The following TBX2 variants were observed in gnomAD, a reference collection of about 807,000 sequenced individuals.
The protein encoded by TBX2 is T-box transcription factor 2.
A neutral mutation model predicts 48.4 loss-of-function variants in TBX2; 19 were observed. That is an observed-to-expected ratio of 0.39 (90% CI 0.27 to 0.58). The LOEUF (loss-of-function observed/expected upper bound fraction) is 0.58. Ranked by LOEUF, TBX2 falls within the 20% of genes least tolerant of loss-of-function variation. The probability of loss-of-function intolerance (pLI) is 0.54; values close to 1 mark genes in which losing one functional copy is unlikely to be tolerated. For missense variants in TBX2, 994 were observed against 1,006.5 expected (o/e 0.99, Z 0.17); for synonymous variants, 522 against 459.7 (o/e 1.14, Z -1.73).
rs2060288319 is a variant in TBX2, at chr17:61,406,194, C to G, written c.1686+358C>G. ...GGCCACCCCTGGCTTGTGAAGTCTT[C>G]TCTCCTGGCCTCAGGACATTTTTCT... On this transcript the variant is annotated intron_variant, in intron 6 of 6. Coordinates refer to ENST00000240328, the MANE Select transcript of TBX2 (RefSeq NM_005994.4). This position sits in a 1 kb window ranked among gnomAD's most constrained non-coding sequence, Gnocchi z 5.7. The G allele has an allele frequency of 4.3e-6, 1 of 234,112 alleles. No individual in the cohort carries two copies. Among genetic ancestry groups the G allele is most frequent in the Non-Finnish European group, 8.3e-6 (1 of 121,046 alleles). 14.5% of individuals were successfully genotyped at this position (234,112 alleles called of 1,614,324 possible). A position where few individuals can be genotyped will look rare whatever the true frequency, so the allele number is the denominator to read the frequency against.
rs1408871032 is a variant in TBX2, at chr17:61,404,761, G to C, written c.1043G>C (p.Arg348Pro). The change falls in exon 5 of 7, where the codon CGG becomes CCG. Residue 348 changes from arginine (R) to proline (P), a missense_variant. Arg to Pro is a moderately radical substitution (Grantham distance 103). This residue lies in a region of TBX2 where 639 missense variants were observed against 613.2 expected (regional missense o/e 1.04). Transcript: ENST00000240328. Reference protein sequence around the residue: ...GAAPSPLRLHRARAEEKSCAA... With the variant: ...GAAPSPLRLHPARAEEKSCAA... Reference sequence around the variant, plus strand: ...GCGCCCAGTCCGCTGCGCCTGCACCGGGCCCGAGGTGAGGGTCGGACCGGA... The same window carrying C: ...GCGCCCAGTCCGCTGCGCCTGCACCCGGCCCGAGGTGAGGGTCGGACCGGA... 10 of 1,546,774 alleles carry C rather than the reference G, an allele frequency of 6.5e-6. No homozygotes were observed. Among genetic ancestry groups the C allele is most frequent in the Non-Finnish European group, 8.7e-6 (10 of 1,149,208 alleles).
At position 61,402,913 on chromosome 17, in the gene TBX2, G is replaced by A. The variant is rs1341790406; in HGVS notation, c.664-148G>A. On this transcript the variant is annotated intron_variant, in intron 2 of 6. Coordinates refer to ENST00000240328, the MANE Select transcript of TBX2 (RefSeq NM_005994.4). ...AAAGAGCAGAGACAGGAGAAAATGG[G>A]GAAGAGGAAGAACCGATAGAGAGAG... is the stretch of plus-strand genomic sequence containing the variant. The A allele has an allele frequency of 1.3e-5, 11 of 864,600 alleles. 1 individual carries two copies. The Admixed American group carries it at 2.2e-4, about 17-fold the overall frequency. 53.6% of individuals were successfully genotyped at this position (864,600 alleles called of 1,614,324 possible).
rs2060260818 is a variant in TBX2, at chr17:61,400,764, T to TAA, written c.395+196_395+197dup. ...GTTTGGCACCGGAGCGATTTTTTTT[T>TAA]AAAACAAAAACGCTAAAATCCTCCG... On this transcript the variant is annotated intron_variant, in intron 1 of 6. Coordinates refer to ENST00000240328, the MANE Select transcript of TBX2 (RefSeq NM_005994.4). This position sits in a 1 kb window ranked among gnomAD's most constrained non-coding sequence, Gnocchi z 9.2. Among the ~76,000 whole-genome samples the TAA allele has an allele frequency of 6.6e-6, 1 of 152,024 alleles. No individual in the cohort carries two copies. The highest frequency in any genetic ancestry group is 1.5e-5 in the Non-Finnish European group (1 of 67,984).
At position 61,401,900 on chromosome 17, in the gene TBX2, G is replaced by A; in HGVS notation, c.612G>A (p.Val204=). 6.2e-7 allele frequency: 1 copy of A among 1,612,078 alleles called. No individual in the cohort carries two copies. The highest frequency in any genetic ancestry group is 1.3e-5 in the African/African-American group (1 of 75,058). ...GGGAGCAGTGGATGGCTAAGCCTGT[G>A]GCCTTCCACAAGCTGAAGCTGACCA... ...ATGEQWMAKP[V]AFHKLKLTNN... Residue 204 remains valine (V), a synonymous_variant, in exon 2 of 7, where the codon GTG becomes GTA. Coordinates refer to ENST00000240328, the MANE Select transcript of TBX2 (RefSeq NM_005994.4).
At position 61,403,566 on chromosome 17, in the gene TBX2, G is replaced by T. The variant is rs1208459547; in HGVS notation, c.810+359G>T. Among the ~76,000 whole-genome samples the T allele has an allele frequency of 6.6e-6, 1 of 152,070 alleles. No individual in the cohort carries two copies. Among genetic ancestry groups the T allele is most frequent in the Non-Finnish European group, 1.5e-5 (1 of 68,040 alleles). ...ATGAGAATGTAAGTGAAGAGAGGGCGCCCGAGGCAATCTGCCCAGGCTCTA... is the reference window on the plus strand; with the variant it reads ...ATGAGAATGTAAGTGAAGAGAGGGCTCCCGAGGCAATCTGCCCAGGCTCTA... On this transcript the variant is annotated intron_variant, in intron 3 of 6. Transcript: ENST00000240328. This position sits in a 1 kb window ranked among gnomAD's most constrained non-coding sequence, Gnocchi z 5.8.
At position 61,400,614 on chromosome 17, in the gene TBX2, GGGCT is replaced by G; in HGVS notation, c.395+46_395+49del. 1 of 1,504,130 alleles carries G rather than the reference GGGCT, an allele frequency of 6.6e-7. No individual in the cohort carries two copies. Among genetic ancestry groups the G allele is most frequent in the Non-Finnish European group, 9.0e-7 (1 of 1,113,082 alleles). The allele number at this position is 1,504,130 out of a possible 1,614,324, so 93.2% of individuals were successfully genotyped here. A position where few individuals can be genotyped will look rare whatever the true frequency, so the allele number is the denominator to read the frequency against. On this transcript the variant is annotated intron_variant, in intron 1 of 6. Transcript: ENST00000240328. The surrounding 1 kb of genome is among the most constrained non-coding windows in gnomAD (Gnocchi z 9.2). ...CTGGAAGGCGCGCGGGCGGGCGGGC[GGGCT>G]GGGGCACGGGACTGCACGGATCAGA...
chr17:61,405,018 C>A, intron 5 of TBX2, 184 bp from the exon 6 acceptor site: 1 of 1,356,436 alleles, frequency 7.4e-7, no homozygotes, highest in Non-Finnish European at 1.0e-6. Context: ...GTTTCCTCTC[C>A]AGGGCTGGGT....
chr17:61,406,142 G>A lies in TBX2; in HGVS notation c.1686+306G>A, dbSNP rs1412918529. The A allele has an allele frequency of 2.9e-5, 9 of 314,976 alleles. No homozygotes were observed. Among genetic ancestry groups the A allele is most frequent in the Non-Finnish European group, 5.2e-5 (9 of 173,060 alleles). 19.5% of individuals were successfully genotyped at this position (314,976 alleles called of 1,614,324 possible). On this transcript the variant is annotated intron_variant, in intron 6 of 6. Coordinates refer to ENST00000240328, the MANE Select transcript of TBX2 (RefSeq NM_005994.4). This position sits in a 1 kb window ranked among gnomAD's most constrained non-coding sequence, Gnocchi z 5.7. ...CCCAGCGAGGAGTGCGGTGCCCATC[G>A]AGACTCTTCTCACCCTCACAGACCA...
intron 5 of TBX2, 190 bp downstream of exon 5, chr17:61,404,959 G>A (rs1397178001): frequency 1.6e-6 from 2 of 1,232,220 alleles, no homozygotes; most frequent in Middle Eastern, 1.8e-4. Flanking sequence ...AGATCCGGCC[G>A]GACTCCGAGC....
chr17:61,405,237 G>A lies in TBX2; in HGVS notation c.1087G>A (p.Glu363Lys). 1 of 1,569,096 alleles carries A rather than the reference G, an allele frequency of 6.4e-7. No homozygotes were observed. The highest frequency in any genetic ancestry group is 1.3e-5 in the African/African-American group (1 of 74,286). ...EKSCAADSDP[E>K]PERLSEERAG... Reference sequence around the variant, plus strand: ...GTCGTGCGCCGCGGACAGCGACCCGGAGCCTGAGCGGTTGAGCGAGGAGCG... The same window carrying A: ...GTCGTGCGCCGCGGACAGCGACCCGAAGCCTGAGCGGTTGAGCGAGGAGCG... Residue 363 changes from glutamate to lysine, a missense_variant, in exon 6 of 7, where the codon GAG (glutamate) becomes AAG (lysine). Physicochemically the swap from Glu to Lys is moderately conservative, Grantham distance 56. Coordinates refer to ENST00000240328, the MANE Select transcript of TBX2 (RefSeq NM_005994.4).
In TBX2 at chr17:61,406,932, T is replaced by A. The variant is rs2060291398; in HGVS notation, c.1686+1096T>A. 6.6e-6 allele frequency: 1 copy of A among 152,048 alleles called. No individual in the cohort carries two copies. The highest frequency in any genetic ancestry group is 2.1e-4 in the South Asian group (1 of 4,824). The allele number at this position is 152,048 out of a possible 1,614,324, so 9.4% of individuals were successfully genotyped here. On this transcript the variant is annotated intron_variant, in intron 6 of 6. Coordinates refer to ENST00000240328, the MANE Select transcript of TBX2 (RefSeq NM_005994.4). The surrounding 1 kb of genome is among the most constrained non-coding windows in gnomAD (Gnocchi z 5.7). ...CTGATTATTTGTGTATATGAATGCCTCCTCCCCAGACAAACTGGTAATAAT... is the reference window on the plus strand; with the variant it reads ...CTGATTATTTGTGTATATGAATGCCACCTCCCCAGACAAACTGGTAATAAT...
intron 6 of TBX2, 102 bp downstream of exon 6, chr17:61,405,938 C>A (rs2060287325): frequency 1.7e-6 from 2 of 1,176,750 alleles, no homozygotes; most frequent in Non-Finnish European, 1.1e-6. Flanking sequence ...TCGCTGGGAT[C>A]CTCTGGCAGG....
Position 61,409,102 on chromosome 17 carries a change from T to TA in TBX2, c.*599dup, listed in dbSNP as rs2060299655. On this transcript the variant is annotated 3_prime_UTR_variant, in exon 7 of 7. Transcript: ENST00000240328. ...AAAAAAAAAAAAGATATTTATGAAA[T>TA]AAATGGTAATTTGTGTAAATAAGCT... 6.6e-6 allele frequency: 1 copy of TA among 152,420 alleles called. No homozygotes were observed. The highest frequency in any genetic ancestry group is 2.4e-5 in the African/African-American group (1 of 41,392). 9.4% of individuals were successfully genotyped at this position (152,420 alleles called of 1,614,324 possible). A position where few individuals can be genotyped will look rare whatever the true frequency, so the allele number is the denominator to read the frequency against.
intron 5 of TBX2, 105 bp from the exon 6 acceptor site, chr17:61,405,097 C>T: frequency 6.7e-7 from 1 of 1,503,572 alleles, no homozygotes; most frequent in Non-Finnish European, 8.9e-7. Context: ...ACTCCAGCAG[C>T]TCCTCCGACT....
Position 61,406,731 on chromosome 17 carries a change from T to A in TBX2, c.1686+895T>A, listed in dbSNP as rs2060290354. On this transcript the variant is annotated intron_variant, in intron 6 of 6. Coordinates refer to ENST00000240328, the MANE Select transcript of TBX2 (RefSeq NM_005994.4). This position sits in a 1 kb window ranked among gnomAD's most constrained non-coding sequence, Gnocchi z 5.7. ...AGCAGCAAATATTTTAAAAGTTGGG[T>A]TGGTGGGTGGGGGGGTGGGGGGTTG... The A allele has an allele frequency of 2.3e-5, 1 of 42,982 alleles. No homozygotes were observed. Among genetic ancestry groups the A allele is most frequent in the Non-Finnish European group, 4.1e-5 (1 of 24,290 alleles). The allele number at this position is 42,982 out of a possible 1,614,324, so 2.7% of individuals were successfully genotyped here. A position where few individuals can be genotyped will look rare whatever the true frequency, so the allele number is the denominator to read the frequency against.
Position 61,401,716 on chromosome 17 carries a change from G to A in TBX2, c.428G>A (p.Ser143Asn). The A allele has an allele frequency of 1.9e-6, 3 of 1,612,868 alleles. No individual in the cohort carries two copies. The highest frequency in any genetic ancestry group is 2.5e-6 in the Non-Finnish European group (3 of 1,179,920). Residue 143 changes from serine (S) to asparagine (N), a missense_variant, in exon 2 of 7, where the codon AGC (serine) becomes AAC (asparagine). By Grantham distance (46) the Ser-to-Asn change is conservative (BLOSUM62 1). Coordinates refer to ENST00000240328, the MANE Select transcript of TBX2 (RefSeq NM_005994.4). ...RMFPPFKVRVSGLDKKAKYIL... is the reference protein window; with the variant it reads ...RMFPPFKVRVNGLDKKAKYIL... ...TTCCCCCCCTTCAAGGTGCGAGTCAGCGGCCTGGACAAGAAGGCCAAGTAT... is the reference window on the plus strand; with the variant it reads ...TTCCCCCCCTTCAAGGTGCGAGTCAACGGCCTGGACAAGAAGGCCAAGTAT...
In TBX2 at chr17:61,401,709, C is replaced by A; in HGVS notation, c.421C>A (p.Arg141=). 2.5e-6 allele frequency: 4 copies of A among 1,612,510 alleles called. No individual in the cohort carries two copies. Among genetic ancestry groups the A allele is most frequent in the Non-Finnish European group, 3.4e-6 (4 of 1,179,734 alleles). Residue 141 remains arginine (R), a synonymous_variant, in exon 2 of 7, where the codon CGA becomes AGA. Transcript: ENST00000240328. ...GCGGATGTTCCCCCCCTTCAAGGTG[C>A]GAGTCAGCGGCCTGGACAAGAAGGC... ...GRRMFPPFKV[R]VSGLDKKAKY... is the part of the protein sequence containing the mutation.
Position 61,405,579 on chromosome 17 carries a change from C to A in TBX2, c.1429C>A (p.Gln477Lys). The change falls in exon 6 of 7, where the codon CAG becomes AAG. Residue 477 changes from glutamine to lysine, a missense_variant. Transcript: ENST00000240328. The part of the protein sequence containing the change: ...GLAFSSHLHG[Q>K]QFFGPLGAGQ... ...GGCCTTTTCCAGCCACTTGCACGGG[C>A]AGCAGTTCTTTGGGCCGCTGGGAGC... The A allele has an allele frequency of 1.2e-6, 2 of 1,600,250 alleles. No individual in the cohort carries two copies. The highest frequency in any genetic ancestry group is 1.1e-5 in the South Asian group (1 of 89,740).
In TBX2 at chr17:61,405,006, G is replaced by C. The variant is rs147207613; in HGVS notation, c.1052-196G>C. ...GGCGCCGTGTAATTCTATAGCTGTAGGGTTTCCTCTCCAGGGCTGGGTTCC... is the reference window on the plus strand; with the variant it reads ...GGCGCCGTGTAATTCTATAGCTGTACGGTTTCCTCTCCAGGGCTGGGTTCC... On this transcript the variant is annotated intron_variant, in intron 5 of 6. Transcript: ENST00000240328. 3.0e-4 allele frequency: 391 copies of C among 1,303,774 alleles called. 2 individuals carry two copies. The African/African-American group carries it at 5.1e-3, about 17-fold the overall frequency. 80.8% of individuals were successfully genotyped at this position (1,303,774 alleles called of 1,614,324 possible).
Sources: gnomAD v4.1 joint callset for allele counts (sites outside exome capture counted in the v4.1 genomes callset) on GRCh38, gnomAD v4.1.1 for gene constraint, gnomAD v4.1.1 regional missense constraint, Gnocchi (gnomAD v3.1) non-coding constraint, MANE v1.5 for transcripts, NCBI Gene and HGNC (gene_info 2026-07-23, HGNC 2026-07-21) for gene names.